NFASC: variants seen among roughly 807,000 people sequenced by gnomAD.
NFASC encodes the protein neurofascin.
NFASC carries 43 observed loss-of-function variants against 147.5 expected under a neutral mutation model. The observed-to-expected ratio is 0.29, with a 90% CI of 0.23 to 0.38. The LOEUF (loss-of-function observed/expected upper bound fraction) is 0.38. NFASC is among the 10% of genes least tolerant of loss of function. The pLI is 1.00. For missense variants in NFASC, 1,320 were observed against 1,689.0 expected, an observed-to-expected ratio of 0.78 and a Z score of 3.83; for synonymous variants, 622 against 665.5, an observed-to-expected ratio of 0.93 and a Z score of 1.01.
chr1:204,997,713 C>A (rs991880727), intron 25 of NFASC: 7 of 484,028 alleles, frequency 1.4e-5, no homozygotes, highest in Non-Finnish European at 2.3e-5. Context: ...TTGGGCAGGG[C>A]CCCCAGGTTC....
chr1:205,021,703 T>C lies in NFASC; in HGVS notation c.*5164T>C, dbSNP rs2096401670. On this transcript the variant is annotated 3_prime_UTR_variant, in exon 30 of 30. Coordinates refer to ENST00000339876, the MANE Select transcript of NFASC (RefSeq NM_001005388.3). ...ACAGAGGTATTAAGATCTGTCCTTC[T>C]GGTTCACCCTCTCATACCTCTTTAC... 1 of 153,492 alleles carries C rather than the reference T, an allele frequency of 6.5e-6. No homozygotes were observed. The highest frequency in any genetic ancestry group is 2.4e-5 in the African/African-American group (1 of 41,450). 9.5% of individuals were successfully genotyped at this position (153,492 alleles called of 1,614,324 possible).
At chr1:204,970,845 T>TTGGGAGGC in intron 11 of NFASC, 98 bp downstream of exon 11, 1 of 1,496,306 alleles carries the variant, frequency 6.7e-7, no homozygotes. Flanking sequence ...CACTAGAAGT[T>TTGGGAGGC]CAGGAAGAGA....
chr1:204,988,651 G>A lies in NFASC; in HGVS notation c.2612G>A (p.Gly871Glu). ...KYVAFNGTKV[G>E]KQIVENFSPN... ...TCCCCAGTTAACGGGACCAAAGTAG[G>A]AAAGCAGATAGTGGAAAACTTCTCT... Residue 871 changes from glycine to glutamate, a missense_variant, in exon 23 of 30, where the codon GGA becomes GAA. This residue lies in a region of NFASC where 981 missense variants were observed against 1,289.5 expected (regional missense o/e 0.76). Transcript: ENST00000339876. 1 of 1,614,192 alleles carries A rather than the reference G, an allele frequency of 6.2e-7. No homozygotes were observed. The highest frequency in any genetic ancestry group is 8.5e-7 in the Non-Finnish European group (1 of 1,180,018).
intron 15 of NFASC, 40 bp from the exon 16 acceptor site, chr1:204,976,631 C>G (rs749005151): frequency 6.6e-7 from 1 of 1,522,516 alleles, no homozygotes; most frequent in Non-Finnish European, 9.1e-7. Context: ...TCAGCACTCC[C>G]CTACCCCCTC....
chr1:204,937,810 G>T (rs189866107), intron 2 of NFASC, among the ~76,000 whole-genome samples: 110 of 152,276 alleles, frequency 7.2e-4, no homozygotes, highest in Non-Finnish European at 1.2e-3. Flanking sequence ...CTGGATTTTT[G>T]GTTCAACATA....
At chr1:204,970,827 G>A in intron 11 of NFASC, 80 bp downstream of exon 11, 1 of 1,568,974 alleles carries the variant, frequency 6.4e-7, no homozygotes, top group Non-Finnish European at 8.7e-7. Context: ...TGTAGCCAGT[G>A]CTGGTCACAC....
chr1:204,908,403 A>G (rs539009529), intron 1 of NFASC, among the ~76,000 whole-genome samples: 12 of 152,312 alleles, frequency 7.9e-5, no homozygotes, highest in Admixed American at 2.0e-4. Context: ...AGAGAAAAAT[A>G]TAAGGTATAA....
chr1:204,954,779 C>T lies in NFASC; in HGVS notation c.413-50C>T, dbSNP rs767081892. On this transcript the variant is annotated intron_variant, in intron 6 of 29. Coordinates refer to ENST00000339876, the MANE Select transcript of NFASC (RefSeq NM_001005388.3). This position sits in a 1 kb window ranked among gnomAD's most constrained non-coding sequence, Gnocchi z 5.7. ...CTGCCTCTGACCCTGCTCCTTGCCC[C>T]GGGCCCAGCCATCACCCTCACTTTA... is the stretch of plus-strand genomic sequence containing the variant. The T allele has an allele frequency of 2.4e-5, 39 of 1,604,054 alleles. No homozygotes were observed. The highest frequency in any genetic ancestry group is 3.4e-5 in the Admixed American group (2 of 59,558).
Position 205,015,525 on chromosome 1 carries a change from A to G in NFASC, c.3492-783A>G, listed in dbSNP as rs1183007403. The stretch of plus-strand genomic sequence containing the variant: ...GGTGGCTGTTCCCAGCGGCCCGTGC[A>G]GCTTTACTCGGCAGCCTCCCAGCTC... On this transcript the variant is annotated intron_variant, in intron 29 of 29. Transcript: ENST00000339876. This position sits in a 1 kb window ranked among gnomAD's most constrained non-coding sequence, Gnocchi z 4.0. 6.6e-6 allele frequency among the ~76,000 whole-genome samples: 1 copy of G among 152,104 alleles called. No homozygotes were observed.
At position 204,951,537 on chromosome 1, in the gene NFASC, C is replaced by G. The variant is rs145997615; in HGVS notation, c.110-474C>G. On this transcript the variant is annotated intron_variant, in intron 4 of 29. Transcript: ENST00000339876. ...AGGCTGGAGTGCGGTGGTGCGATCT[C>G]GGCTCACTGCAAGCTCCGCTTCCTG... 2.7e-5 allele frequency among the ~76,000 whole-genome samples: 4 copies of G among 146,228 alleles called. No individual in the cohort carries two copies. In the East Asian group the frequency reaches 8.3e-4, roughly 30 times the overall value.
intron 1 of NFASC, among the ~76,000 whole-genome samples, chr1:204,836,458 C>G (rs749714250): frequency 2.0e-5 from 3 of 152,192 alleles, no homozygotes; most frequent in Non-Finnish European, 4.4e-5. Flanking sequence ...ATTCTTGGAA[C>G]ATCTTGACTC....
intron 1 of NFASC, among the ~76,000 whole-genome samples, chr1:204,845,572 A>G (rs1411326693): frequency 3.3e-5 from 5 of 152,142 alleles, no homozygotes; most frequent in Admixed American, 6.5e-5. Flanking sequence ...GTACCTAGAA[A>G]GACTTAAAGG....
chr1:204,963,409 T>C (rs779071289), intron 8 of NFASC, among the ~76,000 whole-genome samples: 3 of 152,244 alleles, frequency 2.0e-5, no homozygotes, highest in Non-Finnish European at 2.9e-5. Context: ...TCTGTAAGCC[T>C]GAGTGCATCA....
chr1:204,987,309 G>C lies in NFASC; in HGVS notation c.2471-109G>C. On this transcript the variant is annotated intron_variant, in intron 21 of 29. Coordinates refer to ENST00000339876, the MANE Select transcript of NFASC (RefSeq NM_001005388.3). This position sits in a 1 kb window ranked among gnomAD's most constrained non-coding sequence, Gnocchi z 4.4. ...TTCAGTTTAGCAGTGTCGAGCATGG[G>C]GGTTGTCCAGAGGTCAATGCCTTCA... 9.5e-7 allele frequency: 1 copy of C among 1,049,386 alleles called. No individual in the cohort carries two copies. 65.0% of individuals were successfully genotyped at this position (1,049,386 alleles called of 1,614,324 possible).
chr1:204,859,533 T>A (rs2102819054), intron 1 of NFASC, among the ~76,000 whole-genome samples: 1 of 152,294 alleles, frequency 6.6e-6, no homozygotes, highest in East Asian at 1.9e-4. Flanking sequence ...GCCCAGTAAA[T>A]TATCTGTGCT....
chr1:204,906,553 G>A (rs1369690107), intron 1 of NFASC, among the ~76,000 whole-genome samples: 4 of 152,182 alleles, frequency 2.6e-5, no homozygotes, highest in Non-Finnish European at 5.9e-5. Flanking sequence ...TTGCTGTATA[G>A]TATTCCATTG....
chr1:204,973,529 C>A, intron 12 of NFASC, 110 bp downstream of exon 12: 1 of 1,357,624 alleles, frequency 7.4e-7, no homozygotes, highest in Non-Finnish European at 1.0e-6. Flanking sequence ...ATTGGCCAAG[C>A]TGGGTGAGGT....
chr1:204,942,285 G>GT (rs2093410852), intron 2 of NFASC, among the ~76,000 whole-genome samples: 1 of 152,194 alleles, frequency 6.6e-6, no homozygotes, highest in South Asian at 2.1e-4. Flanking sequence ...CAGACACAGA[G>GT]TGTTCTAGAC....
At chr1:205,002,553 C>T (rs1270818258) in intron 26 of NFASC, 43 bp from the exon 27 acceptor site, 8 of 1,401,594 alleles carry the variant, frequency 5.7e-6, no homozygotes, top group Non-Finnish European at 7.6e-6. Context: ...CTCTCCAGCT[C>T]CTGGTGCCTG....
Sources: allele counts gnomAD v4.1 joint callset (sites outside exome capture counted in the v4.1 genomes callset), GRCh38; gene constraint gnomAD v4.1.1; regional missense constraint gnomAD v4.1.1; non-coding constraint Gnocchi (gnomAD v3.1); transcripts MANE v1.5; gene names NCBI Gene and HGNC (gene_info 2026-07-23, HGNC 2026-07-21).